Variants in PLA2G4E observed in about 807,000 individuals in gnomAD.
The protein encoded by PLA2G4E is phospholipase A2 group IVE, also known as cytosolic phospholipase A2 epsilon.
In PLA2G4E, 84 loss-of-function variants were observed where a neutral mutation model predicts 109.1. That is an observed-to-expected ratio of 0.77 (90% CI 0.65 to 0.92). The LOEUF (loss-of-function observed/expected upper bound fraction) is 0.92, where lower values mean the gene tolerates loss of function less well. Ranked by LOEUF, PLA2G4E falls within the 40% of genes least tolerant of loss-of-function variation. The pLI is 0.00. For synonymous variants in PLA2G4E, 469 were observed against 436.1 expected, an observed-to-expected ratio of 1.08 and a Z score of -0.94; for missense variants, 1,057 against 1,076.6, an observed-to-expected ratio of 0.98 and a Z score of 0.25.
intron 1 of PLA2G4E, among the ~76,000 whole-genome samples, chr15:42,032,359 C>T (rs1889127400): frequency 6.6e-6 from 1 of 152,132 alleles, no homozygotes; most frequent in South Asian, 2.1e-4. Context: ...CAGTTCAAAC[C>T]CCGGAGTCAA....
At chr15:41,984,360 A>G in intron 19 of PLA2G4E, 76 bp downstream of exon 19, 2 of 1,452,086 alleles carry the variant, frequency 1.4e-6, no homozygotes, top group South Asian at 2.6e-5. Flanking sequence ...TAGTGCCCTT[A>G]GAGACTCTAC....
intron 2 of PLA2G4E, among the ~76,000 whole-genome samples, chr15:42,009,480 T>C (rs532201839): frequency 6.6e-6 from 1 of 152,308 alleles, no homozygotes; most frequent in Admixed American, 6.5e-5. Context: ...GCTTTTTAGA[T>C]ATGACCATGC....
At chr15:42,010,308 T>C (rs142363004) in intron 2 of PLA2G4E, 1 of 354,038 alleles carries the variant, frequency 2.8e-6, no homozygotes, top group African/African-American at 2.2e-5. Flanking sequence ...CATTCGTCCA[T>C]GCCTAAAATT....
rs1017090583 is a variant in PLA2G4E at position 41,993,653 on chromosome 15, C to T, written c.1248-694G>A. Reference sequence around the variant, plus strand: ...TCTTGGCCTGGATCCAGCTTTTCTGCGTCAGGACAGGAAAGGGCCCTTTTC... The same window carrying T: ...TCTTGGCCTGGATCCAGCTTTTCTGTGTCAGGACAGGAAAGGGCCCTTTTC... On this transcript the variant is annotated intron_variant, in intron 12 of 19. Coordinates refer to ENST00000399518, the Ensembl canonical transcript of PLA2G4E. 7.2e-5 allele frequency among the ~76,000 whole-genome samples: 11 copies of T among 152,200 alleles called. 2 individuals carry two copies. Among genetic ancestry groups the T allele is most frequent in the Admixed American group, 3.9e-4 (6 of 15,294 alleles).
intron 1 of PLA2G4E, among the ~76,000 whole-genome samples, chr15:42,021,737 T>G (rs2068650693): frequency 6.6e-6 from 1 of 152,186 alleles, no homozygotes; most frequent in Non-Finnish European, 1.5e-5. Context: ...GGTGGCTCAC[T>G]GAGGGGCCTG....
rs540223312 is a variant in PLA2G4E at position 42,018,629 on chromosome 15, G to A, written c.184-4872C>T. Among the ~76,000 whole-genome samples the A allele has an allele frequency of 1.3e-4, 20 of 152,274 alleles. No individual in the cohort carries two copies. The South Asian group carries it at 4.1e-3, about 32-fold the overall frequency. On this transcript the variant is annotated intron_variant, in intron 1 of 19. Transcript: ENST00000399518. ...AGCCACTTTGCCAATCAGTACAGCT[G>A]GGCCAGGGAGGACAGGCTGGACAGC...
chr15:42,040,164 C>G (rs1044022694), intron 1 of PLA2G4E, among the ~76,000 whole-genome samples: 1 of 151,740 alleles, frequency 6.6e-6, no homozygotes, highest in African/African-American at 2.4e-5. Flanking sequence ...AGTGAGACCC[C>G]CTCCATCATT....
intron 1 of PLA2G4E, among the ~76,000 whole-genome samples, chr15:42,014,672 G>T (rs1442422341): frequency 6.6e-6 from 1 of 152,190 alleles, no homozygotes; most frequent in Non-Finnish European, 1.5e-5. Flanking sequence ...CATCTCCCTT[G>T]CCCTTTGGGC....
chr15:42,001,755 A>G (rs2068422274), intron 6 of PLA2G4E, among the ~76,000 whole-genome samples: 1 of 152,148 alleles, frequency 6.6e-6, no homozygotes, highest in Non-Finnish European at 1.5e-5. Flanking sequence ...GCAGTGTCAT[A>G]ATCACAGCTC....
chr15:42,006,950 C>T (rs1445914902), intron 3 of PLA2G4E, among the ~76,000 whole-genome samples: 1 of 152,100 alleles, frequency 6.6e-6, no homozygotes, highest in African/African-American at 2.4e-5. Context: ...CAGACTGAAC[C>T]CACATCAAAA....
chr15:42,004,837 G>C, intron 5 of PLA2G4E, 101 bp downstream of exon 5: 3 of 1,248,192 alleles, frequency 2.4e-6, no homozygotes, highest in Non-Finnish European at 3.5e-6. Context: ...ACTGGAAGAG[G>C]GTGAGGCAGC....
intron 15 of PLA2G4E, among the ~76,000 whole-genome samples, chr15:41,988,929 C>T (rs757013001): frequency 4.6e-5 from 7 of 152,184 alleles, no homozygotes; most frequent in African/African-American, 7.2e-5. Context: ...GGGTCTGTTT[C>T]TGAAGAAGCC....
intron 1 of PLA2G4E, among the ~76,000 whole-genome samples, chr15:42,041,693 C>G (rs867306508): frequency 2.6e-5 from 4 of 152,094 alleles, no homozygotes; most frequent in Non-Finnish European, 5.9e-5. Context: ...TGGGGTTTAC[C>G]TTATCAGAAC....
At chr15:42,023,120 G>C (rs2068662171) in intron 1 of PLA2G4E, among the ~76,000 whole-genome samples, 1 of 152,032 alleles carries the variant, frequency 6.6e-6, no homozygotes, top group African/African-American at 2.4e-5. Context: ...GAGTTGTGTG[G>C]GAAGAGATAC....
rs553845981 is a variant in PLA2G4E at position 41,993,045 on chromosome 15, G to A, written c.1248-86C>T. ...CCCGGGCAGGAGGGAAGGTGGGCAGGCCATTGAGAACCCTAACCTGCCAGG... is the reference window on the plus strand; with the variant it reads ...CCCGGGCAGGAGGGAAGGTGGGCAGACCATTGAGAACCCTAACCTGCCAGG... On this transcript the variant is annotated intron_variant, in intron 12 of 19. Transcript: ENST00000399518. The A allele has an allele frequency of 1.3e-5, 17 of 1,260,716 alleles. No homozygotes were observed. The Admixed American group carries it at 3.6e-4, about 27-fold the overall frequency. The allele number at this position is 1,260,716 out of a possible 1,614,324, so 78.1% of individuals were successfully genotyped here.
rs191088379 is a variant in PLA2G4E, at chr15:42,029,548, A to G, written c.184-15791T>C. On this transcript the variant is annotated intron_variant, in intron 1 of 19. Transcript: ENST00000399518. ...GTGAGGTGCCAAAAGCCTTCTGCAC[A>G]CTGAGTTTACTCCTTATCACCCATC... Among the ~76,000 whole-genome samples, 836 of 152,302 alleles carry G rather than the reference A, an allele frequency of 5.5e-3. 4 individuals are homozygous for G. Among genetic ancestry groups the G allele is most frequent in the Non-Finnish European group, 8.1e-3 (550 of 68,028 alleles).
chr15:42,009,804 C>G (rs968632252), intron 2 of PLA2G4E: 3 of 165,708 alleles, frequency 1.8e-5, no homozygotes, highest in African/African-American at 7.2e-5. Context: ...AACACTCTTC[C>G]ACTTTCACCC....
chr15:42,042,848 A>G lies in PLA2G4E; in HGVS notation c.183+7673T>C, dbSNP rs141104258. On this transcript the variant is annotated intron_variant, in intron 1 of 19. Transcript: ENST00000399518. ...CACTGAAAATGTGACTGAAGCAGAT[A>G]CTGGAGCCCAGGCCAGCAGGGGCTT... 6.6e-4 allele frequency among the ~76,000 whole-genome samples: 101 copies of G among 152,324 alleles called. No homozygotes were observed. In the Middle Eastern group the frequency reaches 0.01, roughly 15 times the overall value.
intron 2 of PLA2G4E, among the ~76,000 whole-genome samples, chr15:42,013,182 G>A (rs2068554708): frequency 6.6e-6 from 1 of 152,186 alleles, no homozygotes; most frequent in Non-Finnish European, 1.5e-5. Flanking sequence ...TGTGGACTCT[G>A]GCATGGTCCC....
Sources: allele counts gnomAD v4.1 joint callset (sites outside exome capture counted in the v4.1 genomes callset), GRCh38; gene constraint gnomAD v4.1.1; transcripts MANE v1.5; gene names NCBI Gene and HGNC (gene_info 2026-07-23, HGNC 2026-07-21).